The following INPPL1 variants were observed in gnomAD, a reference collection of about 807,000 sequenced individuals.
The protein encoded by INPPL1 is phosphatidylinositol 3,4,5-trisphosphate 5-phosphatase 2.
INPPL1 carries 91 observed loss-of-function variants against 139.3 expected under a neutral mutation model. That is an observed-to-expected ratio of 0.65 (90% CI 0.55 to 0.78). INPPL1 has a LOEUF of 0.78. Ranked by LOEUF, INPPL1 falls within the 30% of genes least tolerant of loss-of-function variation. The pLI, the probability that INPPL1 is intolerant of heterozygous loss-of-function variation, is 0.00. For synonymous variants in INPPL1, 719 were observed against 686.6 expected (o/e 1.05, Z -0.74); for missense variants, 1,411 against 1,665.6 (o/e 0.85, Z 2.66).
intron 25 of INPPL1, among the ~76,000 whole-genome samples, chr11:72,236,243 GCTCC>G (rs922874699): frequency 6.6e-6 from 1 of 152,232 alleles, no homozygotes; most frequent in African/African-American, 2.4e-5. Context: ...TTCTAAGACA[GCTCC>G]CTCCATGTAA....
At chr11:72,225,521 G>A (rs1265660795) in intron 1 of INPPL1, 1 of 985,362 alleles carries the variant, frequency 1.0e-6, no homozygotes, top group Non-Finnish European at 1.2e-6. Flanking sequence ...GTGCAGTCCC[G>A]TTTGGATAGG....
intron 5 of INPPL1, 33 bp downstream of exon 5, chr11:72,229,263 C>T (rs1460652184): frequency 1.9e-6 from 3 of 1,579,558 alleles, no homozygotes; most frequent in African/African-American, 1.3e-5. Context: ...TGTATTACAC[C>T]CTTACCTCTG....
Position 72,235,340 on chromosome 11 carries a change from C to G in INPPL1, c.2548C>G (p.Gln850Glu), listed in dbSNP as rs748648191. 3 of 1,614,080 alleles carry G rather than the reference C, an allele frequency of 1.9e-6. No individual in the cohort carries two copies. In the South Asian group the frequency reaches 3.3e-5, roughly 18 times the overall value. Residue 850 changes from glutamine to glutamate, a missense_variant, in exon 23 of 28, where the codon CAA (glutamine) becomes GAA (glutamate). Physicochemically the swap from Gln to Glu is conservative, Grantham distance 29. This residue lies in a region of INPPL1 where 99 missense variants were observed against 171.6 expected (regional missense o/e 0.58). Transcript: ENST00000298229. This position sits in a 1 kb window ranked among gnomAD's most constrained non-coding sequence, Gnocchi z 4.9. Reference sequence around the variant, plus strand: ...CAAATCCATGATCGGCAGCACGGCCCAACAGTTCCTGACCTTCCTATCCCA... The same window carrying G: ...CAAATCCATGATCGGCAGCACGGCCGAACAGTTCCTGACCTTCCTATCCCA... ...ALKSMIGSTA[Q>E]QFLTFLSHRG...
rs1565395002 is a variant in INPPL1, at chr11:72,235,182, A to G, written c.2482A>G (p.Met828Val). Reference protein sequence around the residue: ...DQHLLLTVKSMDGYESYGECV... With the variant: ...DQHLLLTVKSVDGYESYGECV... ...GCACCTCCTGCTCACAGTCAAGTCCATGGATGGCTATGAATCCTATGGTGA... is the reference window on the plus strand; with the variant it reads ...GCACCTCCTGCTCACAGTCAAGTCCGTGGATGGCTATGAATCCTATGGTGA... Residue 828 changes from methionine to valine, a missense_variant, in exon 22 of 28, where the codon ATG becomes GTG. Met to Val is a conservative substitution (Grantham distance 21, BLOSUM62 1). Around this residue, in one of 5 missense-constraint regions of INPPL1, gnomAD observed 99 missense variants for 171.6 expected, o/e 0.58. Transcript: ENST00000298229. This position sits in a 1 kb window ranked among gnomAD's most constrained non-coding sequence, Gnocchi z 4.9. 8 of 1,614,110 alleles carry G rather than the reference A, an allele frequency of 5.0e-6. No individual in the cohort carries two copies. The highest frequency in any genetic ancestry group is 6.8e-6 in the Non-Finnish European group (8 of 1,180,024).
At chr11:72,225,289 C>A in intron 1 of INPPL1, 123 bp downstream of exon 1, 2 of 1,221,092 alleles carry the variant, frequency 1.6e-6, no homozygotes, top group South Asian at 4.2e-5. Flanking sequence ...CTCCACCCCC[C>A]AGAGTGGGAG....
In INPPL1 at chr11:72,232,981, G is replaced by A. The variant is rs1948878283; in HGVS notation, c.1951+7G>A. Reference sequence around the variant, plus strand: ...AAGGTCTTCCTTCGATTCAGTGAGTGTGGGCCTGGTAGGTGGTGATCTGAG... The same window carrying A: ...AAGGTCTTCCTTCGATTCAGTGAGTATGGGCCTGGTAGGTGGTGATCTGAG... On this transcript the variant is annotated splice_region_variant and intron_variant, in intron 16 of 27. Transcript: ENST00000298229. The A allele has an allele frequency of 1.2e-6, 2 of 1,613,782 alleles. No homozygotes were observed. The highest frequency in any genetic ancestry group is 2.2e-5 in the East Asian group (1 of 44,860).
At chr11:72,224,682 T>G (rs527252949), upstream of INPPL1, 401 of 47,102 alleles carry the variant, frequency 8.5e-3, 1 homozygote, top group Middle Eastern at 0.038. Context: ...CGGCCCGGGC[T>G]GCGGGCCGAG....
At position 72,228,105 on chromosome 11, in the gene INPPL1, T is replaced by G; in HGVS notation, c.183-85T>G. The G allele has an allele frequency of 2.7e-6, 4 of 1,457,976 alleles. No homozygotes were observed. Among genetic ancestry groups the G allele is most frequent in the Non-Finnish European group, 3.8e-6 (4 of 1,039,832 alleles). 90.3% of individuals were successfully genotyped at this position (1,457,976 alleles called of 1,614,324 possible). ...AACCAAGCTGAGGGGGTTGGGGTGC[T>G]GAGCTTGCTGGCAGGAGGAAGGGGT... On this transcript the variant is annotated intron_variant, in intron 1 of 27. Transcript: ENST00000298229. This position sits in a 1 kb window ranked among gnomAD's most constrained non-coding sequence, Gnocchi z 5.0.
rs550060948 is a variant in INPPL1, at chr11:72,232,311, A to C, written c.1687A>C (p.Thr563Pro). 1 of 1,552,884 alleles carries C rather than the reference A, an allele frequency of 6.4e-7. No individual in the cohort carries two copies. Among genetic ancestry groups the C allele is most frequent in the Non-Finnish European group, 8.7e-7 (1 of 1,147,676 alleles). The part of the protein sequence containing the change: ...TSFGFVNCHL[T>P]SGNEKTARRN... ...ATTTGGCTTTGTGAATTGTCACCTC[A>C]CCTCGGGAAATGAGAAGACGGCTCG... is the stretch of plus-strand genomic sequence containing the variant. The change falls in exon 14 of 28, where the codon ACC becomes CCC. Residue 563 changes from threonine (T) to proline (P), a missense_variant. Coordinates refer to ENST00000298229, the MANE Select transcript of INPPL1 (RefSeq NM_001567.4).
upstream of INPPL1, among the ~76,000 whole-genome samples, chr11:72,224,473 G>A (rs570734078): frequency 5.7e-4 from 86 of 151,260 alleles, no homozygotes; most frequent in African/African-American, 2.0e-3. Flanking sequence ...GGAGAACTGA[G>A]AAGCGCTGAA....
chr11:72,223,747 G>A (rs1246640854), upstream of INPPL1: 1 of 151,672 alleles, frequency 6.6e-6, no homozygotes, highest in Non-Finnish European at 1.5e-5. Context: ...CCCGCGCCGC[G>A]ACTTGCCCGA....
chr11:72,227,745 C>T, intron 1 of INPPL1: 1 of 220,068 alleles, frequency 4.5e-6, no homozygotes, highest in Non-Finnish European at 9.2e-6. Context: ...TCCAGCAGAG[C>T]CAGAGAGCAG....
Position 72,225,097 on chromosome 11 carries a change from CG to C in INPPL1, c.116del (p.Gly39AlafsTer79). 8.1e-7 allele frequency: 1 copy of C among 1,231,238 alleles called. No homozygotes were observed. The allele number at this position is 1,231,238 out of a possible 1,614,324, so 76.3% of individuals were successfully genotyped here. The part of the protein sequence containing the change: ...RAAAEELLAR[A>X]GRDGSFLVRD... ...GCCGCGGAGGAGCTGCTGGCCCGGGCGGGCCGCGATGGCAGCTTCCTGGTCC... is the reference window on the plus strand; with the variant it reads ...GCCGCGGAGGAGCTGCTGGCCCGGGCGGCCGCGATGGCAGCTTCCTGGTCC... On this transcript the variant is annotated frameshift_variant, in exon 1 of 28. Coordinates refer to ENST00000298229, the MANE Select transcript of INPPL1 (RefSeq NM_001567.4). LOFTEE classifies it high-confidence loss of function.
intron 1 of INPPL1, among the ~76,000 whole-genome samples, chr11:72,226,790 C>T (rs1226068143): frequency 6.6e-6 from 1 of 152,114 alleles, no homozygotes; most frequent in East Asian, 1.9e-4. Flanking sequence ...GAGGCATACC[C>T]CCTAATTAGG....
intron 10 of INPPL1, 134 bp from the exon 11 acceptor site, chr11:72,230,662 C>T (rs901504146): frequency 3.5e-6 from 3 of 850,122 alleles, no homozygotes; most frequent in Non-Finnish European, 3.8e-6. Flanking sequence ...CTGTTATATG[C>T]TTGAGCAGTG....
At position 72,235,661 on chromosome 11, in the gene INPPL1, TC is replaced by T. The variant is rs1948967040; in HGVS notation, c.2660-12del. 6 of 1,613,670 alleles carry T rather than the reference TC, an allele frequency of 3.7e-6. No individual in the cohort carries two copies. The highest frequency in any genetic ancestry group is 4.2e-6 in the Non-Finnish European group (5 of 1,179,716). ...GCCCAGGTCTCCTCTGAGTCTCCCT[TC>T]CTGCCCCCTCAGAGTGGATCAGCAT... On this transcript the variant is annotated splice_polypyrimidine_tract_variant and intron_variant, in intron 23 of 27. Transcript: ENST00000298229. The surrounding 1 kb of genome is among the most constrained non-coding windows in gnomAD (Gnocchi z 4.9).
chr11:72,230,071 G>A, intron 8 of INPPL1, 50 bp from the exon 9 acceptor site: 11 of 1,613,722 alleles, frequency 6.8e-6, no homozygotes, highest in Non-Finnish European at 9.3e-6. Flanking sequence ...GGTGACCAGG[G>A]TGCTGCCTAC....
chr11:72,225,267 C>G, intron 1 of INPPL1, 101 bp downstream of exon 1: 1 of 1,219,976 alleles, frequency 8.2e-7, no homozygotes, highest in Non-Finnish European at 1.0e-6. Flanking sequence ...GGCGGTGGGA[C>G]GCCAGACCCG....
At position 72,229,950 on chromosome 11, in the gene INPPL1, C is replaced by T. The variant is rs367754263; in HGVS notation, c.870C>T (p.Ser290=). Reference sequence around the variant, plus strand: ...CCCTGAAGGCCCTACAGGACATGAGCTCCACAGCACCCCCAGCTCCGCAGC... The same window carrying T: ...CCCTGAAGGCCCTACAGGACATGAGTTCCACAGCACCCCCAGCTCCGCAGC... ...KKALKALQDM[S]STAPPAPQPS... is the part of the protein sequence containing the mutation. Residue 290 remains serine (S), a synonymous_variant, in exon 8 of 28, where the codon AGC becomes AGT. Transcript: ENST00000298229. 1.0e-4 allele frequency: 168 copies of T among 1,614,214 alleles called. 1 individual carries two copies. In the South Asian group the frequency reaches 1.1e-3, roughly 11 times the overall value.
Sources: gnomAD v4.1 joint callset for allele counts (sites outside exome capture counted in the v4.1 genomes callset) on GRCh38, gnomAD v4.1.1 for gene constraint, gnomAD v4.1.1 regional missense constraint, Gnocchi (gnomAD v3.1) non-coding constraint, MANE v1.5 for transcripts, NCBI Gene and HGNC (gene_info 2026-07-23, HGNC 2026-07-21) for gene names.